Variants in RNF123 observed in about 807,000 individuals in gnomAD.
RNF123 encodes the protein ring finger protein 123.
RNF123 carries 86 observed loss-of-function variants against 168.5 expected under a neutral mutation model. That is an observed-to-expected ratio of 0.51 (90% confidence interval 0.43 to 0.61). The LOEUF is 0.61. Ranked by LOEUF, RNF123 falls within the 20% of genes least tolerant of loss-of-function variation. RNF123 has a pLI of 0.00. For missense variants in RNF123, 1,419 were observed against 1,729.7 expected (o/e 0.82, Z 3.19); for synonymous variants, 666 against 689.1 (o/e 0.97, Z 0.52).
intron 35 of RNF123, chr3:49,718,505 C>G (rs761982260): frequency 1.2e-6 from 2 of 1,613,130 alleles, no homozygotes; most frequent in Non-Finnish European, 1.7e-6. Flanking sequence ...GATCCTGGCG[C>G]CCTGAGAAGC....
In RNF123 at chr3:49,702,333, G is replaced by C. The variant is rs1223811226; in HGVS notation, c.1558-1G>C. ...CAGCCTCACTTTTCCCTCTCTCAAA[G>C]GGTGAAGCTTCTAGGTATATCTTCC... On this transcript the variant is annotated splice_acceptor_variant, in intron 18 of 38. Coordinates refer to ENST00000327697, the MANE Select transcript of RNF123 (RefSeq NM_022064.5). LOFTEE classifies it high-confidence loss of function. The C allele has an allele frequency of 6.2e-7, 1 of 1,614,182 alleles. No homozygotes were observed. Among genetic ancestry groups the C allele is most frequent in the East Asian group, 2.2e-5 (1 of 44,884 alleles).
rs961005962 is a variant in RNF123 at position 49,720,404 on chromosome 3, G to A, written c.3501-107G>A. 3.3e-5 allele frequency: 38 copies of A among 1,152,424 alleles called. 1 individual carries two copies. In the South Asian group the frequency reaches 5.0e-4, roughly 15 times the overall value. 71.4% of individuals were successfully genotyped at this position (1,152,424 alleles called of 1,614,324 possible). A position where few individuals can be genotyped will look rare whatever the true frequency, so the allele number is the denominator to read the frequency against. ...AAGCAGGGAGACGGAAAGGATGCAG[G>A]GGGGGTGATCATGTACGAGCCATGG... On this transcript the variant is annotated intron_variant, in intron 35 of 38. Coordinates refer to ENST00000327697, the MANE Select transcript of RNF123 (RefSeq NM_022064.5).
chr3:49,715,111 C>T (rs1401381495), intron 31 of RNF123, among the ~76,000 whole-genome samples: 2 of 152,240 alleles, frequency 1.3e-5, no homozygotes, highest in Non-Finnish European at 2.9e-5. Flanking sequence ...CCCACCACCT[C>T]GGCCATATGC....
intron 35 of RNF123, chr3:49,717,888 C>T: frequency 1.3e-6 from 2 of 1,532,118 alleles, no homozygotes; most frequent in Non-Finnish European, 1.8e-6. Flanking sequence ...TTCTCTGGAC[C>T]GAAGCAGGGA....
In RNF123 at chr3:49,699,479, C is replaced by T; in HGVS notation, c.776C>T (p.Ala259Val). The change falls in exon 11 of 39, where the codon GCA (alanine) becomes GTA (valine). Residue 259 changes from alanine to valine, a missense_variant. By Grantham distance (64) the Ala-to-Val change is moderately conservative. Around this residue, in one of 5 missense-constraint regions of RNF123, gnomAD observed 318 missense variants for 446.6 expected, o/e 0.71. Coordinates refer to ENST00000327697, the MANE Select transcript of RNF123 (RefSeq NM_022064.5). This position sits in a 1 kb window ranked among gnomAD's most constrained non-coding sequence, Gnocchi z 4.8. ...CTTAACTCTGGCACCTACCCAGTGG[C>T]AGGCTACCGGCCCCTGCAGGACCCA... Reference protein sequence around the residue: ...FGSRPLRYPVAGYRPLQDPPS... With the variant: ...FGSRPLRYPVVGYRPLQDPPS... 1 of 1,603,798 alleles carries T rather than the reference C, an allele frequency of 6.2e-7. No individual in the cohort carries two copies. Among genetic ancestry groups the T allele is most frequent in the East Asian group, 2.2e-5 (1 of 44,512 alleles).
Position 49,702,359 on chromosome 3 carries a change from T to C in RNF123, c.1583T>C (p.Leu528Pro), listed in dbSNP as rs2054420570. The change falls in exon 19 of 39, where the codon CTG becomes CCG. Residue 528 changes from leucine to proline, a missense_variant. Coordinates refer to ENST00000327697, the MANE Select transcript of RNF123 (RefSeq NM_022064.5). ...GGTGAAGCTTCTAGGTATATCTTCC[T>C]GACCAAGTTTCGCAAGTTTCTGCAG... ...NGGEASRYIFLTKFRKFLQEN... is the reference protein window; with the variant it reads ...NGGEASRYIFPTKFRKFLQEN... 1.2e-6 allele frequency: 2 copies of C among 1,614,098 alleles called. No individual in the cohort carries two copies. The highest frequency in any genetic ancestry group is 2.7e-5 in the African/African-American group (2 of 74,934).
chr3:49,705,880 T>TA, intron 24 of RNF123, 102 bp from the exon 25 acceptor site: 1 of 1,476,534 alleles, frequency 6.8e-7, no homozygotes, highest in Non-Finnish European at 9.4e-7. Context: ...GCCCTGGGCC[T>TA]AAGGTTGGGA....
Position 49,700,552 on chromosome 3 carries a change from C to G in RNF123, c.1191C>G (p.Asp397Glu). 1 of 1,614,204 alleles carries G rather than the reference C, an allele frequency of 6.2e-7. No individual in the cohort carries two copies. The highest frequency in any genetic ancestry group is 8.5e-7 in the Non-Finnish European group (1 of 1,180,010). The change falls in exon 14 of 39, where the codon GAC becomes GAG. Residue 397 changes from aspartate to glutamate, a missense_variant. Asp to Glu is a conservative substitution (Grantham distance 45). Transcript: ENST00000327697. The part of the protein sequence containing the change: ...RLYRFSPIVP[D>E]LGLQIHYLRL... ...ACCGATTCTCACCCATTGTCCCAGA[C>G]CTGGGCCTACAGGTGGGAGCCCCTA...
At chr3:49,714,914 G>A (rs1249429898) in intron 31 of RNF123, among the ~76,000 whole-genome samples, 1 of 152,260 alleles carries the variant, frequency 6.6e-6, no homozygotes, top group East Asian at 1.9e-4. Context: ...CACACAGCAA[G>A]TCCTTGCCAA....
chr3:49,702,197 C>G (rs2054416094), intron 18 of RNF123, 53 bp downstream of exon 18: 3 of 1,601,794 alleles, frequency 1.9e-6, no homozygotes, highest in Non-Finnish European at 2.6e-6. Flanking sequence ...GGATGCTGCA[C>G]TGGGCCTTAA....
Position 49,714,016 on chromosome 3 carries a change from G to T in RNF123, c.2925+19G>T. Reference sequence around the variant, plus strand: ...CTGGAGGGTAAGCCTGACTCGAGGGGAAGTGGCTGAGGCTGGCTGGAGGGA... The same window carrying T: ...CTGGAGGGTAAGCCTGACTCGAGGGTAAGTGGCTGAGGCTGGCTGGAGGGA... On this transcript the variant is annotated intron_variant, in intron 30 of 38. Coordinates refer to ENST00000327697, the MANE Select transcript of RNF123 (RefSeq NM_022064.5). 1 of 1,614,016 alleles carries T rather than the reference G, an allele frequency of 6.2e-7. No individual in the cohort carries two copies. The highest frequency in any genetic ancestry group is 2.2e-5 in the East Asian group (1 of 44,876).
In RNF123 at chr3:49,709,050, G is replaced by C. The variant is rs969662186; in HGVS notation, c.2496+2152G>C. Among the ~76,000 whole-genome samples the C allele has an allele frequency of 2.8e-4, 42 of 149,042 alleles. No individual in the cohort carries two copies. In the South Asian group the frequency reaches 8.7e-3, roughly 31 times the overall value. The stretch of plus-strand genomic sequence containing the variant: ...TGGTGCGATCTCGGCTCACATCCTG[G>C]GTTCAAGTGTTCTCCTGCCTCAGCC... On this transcript the variant is annotated intron_variant, in intron 26 of 38. Coordinates refer to ENST00000327697, the MANE Select transcript of RNF123 (RefSeq NM_022064.5).
chr3:49,700,255 T>C lies in RNF123; in HGVS notation c.1013T>C (p.Leu338Pro), dbSNP rs2054353035. The stretch of plus-strand genomic sequence containing the variant: ...AAGGTGTATCTGGTGGAGGCTGTGC[T>C]CATGAGCTTCTTGCTGGGCATCGTG... Reference protein sequence around the residue: ...LRKVYLVEAVLMSFLLGIVEK... With the variant: ...LRKVYLVEAVPMSFLLGIVEK... The change falls in exon 13 of 39, where the codon CTC becomes CCC. Residue 338 changes from leucine to proline, a missense_variant. By Grantham distance (98) the Leu-to-Pro change is moderately conservative. Transcript: ENST00000327697. 4 of 1,614,054 alleles carry C rather than the reference T, an allele frequency of 2.5e-6. No individual in the cohort carries two copies. Among genetic ancestry groups the C allele is most frequent in the Non-Finnish European group, 3.4e-6 (4 of 1,180,026 alleles).
At chr3:49,701,339 T>C (rs955500919) in intron 15 of RNF123, 152 bp from the exon 16 acceptor site, 18 of 673,618 alleles carry the variant, frequency 2.7e-5, no homozygotes, top group Middle Eastern at 7.5e-4. Context: ...TCAGGGAGCA[T>C]GCCCTGGGGG....
intron 24 of RNF123, 103 bp from the exon 25 acceptor site, chr3:49,705,879 C>A: frequency 6.8e-7 from 1 of 1,478,796 alleles, no homozygotes; most frequent in Non-Finnish European, 9.4e-7. Flanking sequence ...CGCCCTGGGC[C>A]TAAGGTTGGG....
chr3:49,693,973 G>T (rs934389634), intron 3 of RNF123, among the ~76,000 whole-genome samples: 2 of 152,118 alleles, frequency 1.3e-5, no homozygotes, highest in African/African-American at 4.8e-5. Flanking sequence ...CTATAGAGTT[G>T]TTTGCGTTCT....
rs1216345247 is a variant in RNF123, at chr3:49,715,656, A to G, written c.3092A>G (p.Asn1031Ser). 1.2e-6 allele frequency: 2 copies of G among 1,614,184 alleles called. No homozygotes were observed. Among genetic ancestry groups the G allele is most frequent in the Admixed American group, 1.7e-5 (1 of 60,034 alleles). ...QGPDVAPSFL[N>S]SVLNQLNWAF... ...CCTGATGTGGCACCCAGCTTCCTCA[A>G]CAGCGTCCTCAATCAGCTCAACTGG... Residue 1031 changes from asparagine (N) to serine (S), a missense_variant, in exon 32 of 39, where the codon AAC (asparagine) becomes AGC (serine). Around this residue, in one of 5 missense-constraint regions of RNF123, gnomAD observed 538 missense variants for 708.8 expected, o/e 0.76. Transcript: ENST00000327697.
rs764917222 is a variant in RNF123 at position 49,700,622 on chromosome 3, C to A, written c.1204-14C>A. 1.2e-6 allele frequency: 2 copies of A among 1,614,200 alleles called. No individual in the cohort carries two copies. The highest frequency in any genetic ancestry group is 1.7e-6 in the Non-Finnish European group (2 of 1,180,034). The stretch of plus-strand genomic sequence containing the variant: ...GGGACTCGCCTGTCCACTCTGAACG[C>A]CCCCTCTCCACAGATCCATTACCTG... On this transcript the variant is annotated splice_polypyrimidine_tract_variant and intron_variant, in intron 14 of 38. Coordinates refer to ENST00000327697, the MANE Select transcript of RNF123 (RefSeq NM_022064.5).
Position 49,706,027 on chromosome 3 carries a change from A to C in RNF123, c.2350A>C (p.Arg784=). ...DDVNEYAMAL[R]DTEDKLRRCP... is the part of the protein sequence containing the mutation. ...TGTCAATGAATACGCTATGGCTCTG[A>C]GGGACACAGAGGACAAGCTCCGCCG... The change falls in exon 25 of 39, where the codon AGG becomes CGG. Residue 784 remains arginine, a synonymous_variant. Coordinates refer to ENST00000327697, the MANE Select transcript of RNF123 (RefSeq NM_022064.5). 1.2e-6 allele frequency: 2 copies of C among 1,614,130 alleles called. No homozygotes were observed. Among genetic ancestry groups the C allele is most frequent in the Non-Finnish European group, 1.7e-6 (2 of 1,180,022 alleles).
Sources: allele counts gnomAD v4.1 joint callset (sites outside exome capture counted in the v4.1 genomes callset), GRCh38; gene constraint gnomAD v4.1.1; regional missense constraint gnomAD v4.1.1; non-coding constraint Gnocchi (gnomAD v3.1); transcripts MANE v1.5; gene names NCBI Gene and HGNC (gene_info 2026-07-23, HGNC 2026-07-21).